The following PARD3B variants were observed in gnomAD, a reference collection of about 807,000 sequenced individuals.
PARD3B encodes partitioning defective 3 homolog B.
In PARD3B, 103 loss-of-function variants were observed where a neutral mutation model predicts 130.2. That is an observed-to-expected ratio of 0.79 (90% CI 0.67 to 0.93). The LOEUF (loss-of-function observed/expected upper bound fraction) is 0.93. PARD3B is among the 40% of genes least tolerant of loss of function. PARD3B has a pLI of 0.00. For missense variants in PARD3B, 1,609 were observed against 1,499.2 expected (o/e 1.07, Z -1.21); for synonymous variants, 583 against 553.2 (o/e 1.05, Z -0.76).
intron 20 of PARD3B, among the ~76,000 whole-genome samples, chr2:205,495,576 T>A (rs2049895181): frequency 6.6e-6 from 1 of 152,212 alleles, no homozygotes; most frequent in Non-Finnish European, 1.5e-5. Flanking sequence ...GAATCAGTGC[T>A]GCTAAATTCC....
rs759261270 is a variant in PARD3B, at chr2:204,545,983, G to A, written c.-17G>A. ...ACACCTGTTCGGCCCGGCCCGGCGTGGTCGCCGGGGGCCAGGATGAAAGTG... is the reference window on the plus strand; with the variant it reads ...ACACCTGTTCGGCCCGGCCCGGCGTAGTCGCCGGGGGCCAGGATGAAAGTG... On this transcript the variant is annotated 5_prime_UTR_variant, in exon 1 of 23. Coordinates refer to ENST00000406610, the MANE Select transcript of PARD3B (RefSeq NM_001302769.2). 4.5e-6 allele frequency: 7 copies of A among 1,550,202 alleles called. No homozygotes were observed. Among genetic ancestry groups the A allele is most frequent in the South Asian group, 3.6e-5 (3 of 84,182 alleles).
intron 1 of PARD3B, among the ~76,000 whole-genome samples, chr2:204,654,096 T>A (rs1455555540): frequency 6.6e-6 from 1 of 151,330 alleles, no homozygotes; most frequent in Non-Finnish European, 1.5e-5. Flanking sequence ...TTTATCTGTG[T>A]CTCAGCAAGG....
intron 19 of PARD3B, among the ~76,000 whole-genome samples, chr2:205,418,238 T>C (rs1272587537): frequency 6.6e-6 from 1 of 152,198 alleles, no homozygotes; most frequent in Non-Finnish European, 1.5e-5. Flanking sequence ...ATTGAAGTTA[T>C]ATGAAATTTT....
At chr2:205,141,677 A>G (rs2032966438) in intron 10 of PARD3B, among the ~76,000 whole-genome samples, 3 of 152,230 alleles carry the variant, frequency 2.0e-5, no homozygotes, top group Admixed American at 2.0e-4. Flanking sequence ...TATGCTTAGC[A>G]CTATTATGGC....
chr2:205,121,716 A>G lies in PARD3B; in HGVS notation c.932A>G (p.Asp311Gly), dbSNP rs745574129. 6.2e-7 allele frequency: 1 copy of G among 1,614,202 alleles called. No homozygotes were observed. The highest frequency in any genetic ancestry group is 8.5e-7 in the Non-Finnish European group (1 of 1,180,032). Residue 311 changes from aspartate (D) to glycine (G), a missense_variant, in exon 8 of 23, where the codon GAT (aspartate) becomes GGT (glycine). By Grantham distance (94) the Asp-to-Gly change is moderately conservative. Coordinates refer to ENST00000406610, the MANE Select transcript of PARD3B (RefSeq NM_001302769.2). The surrounding 1 kb of genome is among the most constrained non-coding windows in gnomAD (Gnocchi z 5.0). The part of the protein sequence containing the change: ...IGSLNIFGNN[D>G]GVLKTKVPPP... ...TCTCTTAACATTTTTGGTAATAATG[A>G]TGGCGTTTTGAAAACCAAAGTGCCG...
At chr2:205,418,992 C>A (rs2046873279) in intron 19 of PARD3B, among the ~76,000 whole-genome samples, 1 of 151,872 alleles carries the variant, frequency 6.6e-6, no homozygotes, top group Non-Finnish European at 1.5e-5. Context: ...AATGTTTGGC[C>A]AAAATATTTC....
chr2:205,551,506 T>A (rs1015957215), intron 21 of PARD3B, among the ~76,000 whole-genome samples: 4 of 152,154 alleles, frequency 2.6e-5, no homozygotes, highest in African/African-American at 9.7e-5. Context: ...CGTCCCTACC[T>A]ACGTAGTAGC....
rs1230780810 is a variant in PARD3B, at chr2:205,446,083, G to A, written c.3044+5411G>A. Reference sequence around the variant, plus strand: ...GCAGGGTACTGTTTGGGGCCAGGCAGCAAGGGTGAAAACAGAGGGGAGAGG... The same window carrying A: ...GCAGGGTACTGTTTGGGGCCAGGCAACAAGGGTGAAAACAGAGGGGAGAGG... On this transcript the variant is annotated intron_variant, in intron 20 of 22. Transcript: ENST00000406610. The surrounding 1 kb of genome is among the most constrained non-coding windows in gnomAD (Gnocchi z 4.4). Among the ~76,000 whole-genome samples the A allele has an allele frequency of 1.3e-5, 2 of 152,138 alleles. No individual in the cohort carries two copies. Among genetic ancestry groups the A allele is most frequent in the African/African-American group, 4.8e-5 (2 of 41,416 alleles).
intron 2 of PARD3B, among the ~76,000 whole-genome samples, chr2:204,785,932 T>G (rs2041993761): frequency 6.6e-6 from 1 of 151,772 alleles, no homozygotes; most frequent in Non-Finnish European, 1.5e-5. Flanking sequence ...GCCAACATGG[T>G]GAAACCCCCA....
At chr2:204,585,416 T>C (rs762266739) in intron 1 of PARD3B, among the ~76,000 whole-genome samples, 10 of 152,042 alleles carry the variant, frequency 6.6e-5, no homozygotes, top group African/African-American at 9.7e-5. Flanking sequence ...CACTGTAACC[T>C]CGAACTCCTG....
At chr2:205,614,316 G>A (rs1443472627) in intron 22 of PARD3B, among the ~76,000 whole-genome samples, 2 of 152,152 alleles carry the variant, frequency 1.3e-5, no homozygotes, top group African/African-American at 2.4e-5. Context: ...CCATTACAAG[G>A]TACAACTTAC....
rs114854877 is a variant in PARD3B, at chr2:205,017,940, A to G, written c.395-29641A>G. Among the ~76,000 whole-genome samples, 891 of 152,332 alleles carry G rather than the reference A, an allele frequency of 5.8e-3. 5 individuals carry two copies. The highest frequency in any genetic ancestry group is 0.02 in the African/African-American group (822 of 41,578). ...TTTAGGTGGTTACAGATAAGGAACT[A>G]GAACTCTAGTTTGAAAATCTGTGTT... On this transcript the variant is annotated intron_variant, in intron 3 of 22. Transcript: ENST00000406610.
intron 1 of PARD3B, among the ~76,000 whole-genome samples, chr2:204,585,884 G>T (rs966316733): frequency 6.6e-6 from 1 of 152,038 alleles, no homozygotes; most frequent in Non-Finnish European, 1.5e-5. Flanking sequence ...TTGAAGACTA[G>T]TTACTTCCTA....
intron 2 of PARD3B, among the ~76,000 whole-genome samples, chr2:204,830,864 T>A (rs2043793334): frequency 6.6e-6 from 1 of 152,226 alleles, no homozygotes. Context: ...AAGATCATTG[T>A]CCCATTAGGT....
chr2:205,323,869 T>C (rs528894314), intron 18 of PARD3B, among the ~76,000 whole-genome samples: 1 of 152,320 alleles, frequency 6.6e-6, no homozygotes, highest in East Asian at 1.9e-4. Context: ...TAGTACTCTC[T>C]AGCTAGATCC....
At chr2:204,815,023 C>T (rs2043097153) in intron 2 of PARD3B, among the ~76,000 whole-genome samples, 1 of 151,806 alleles carries the variant, frequency 6.6e-6, no homozygotes, top group South Asian at 2.1e-4. Flanking sequence ...TTTTCTGTTT[C>T]TGTAATGTTT....
At chr2:205,030,099 T>C (rs1280761584) in intron 3 of PARD3B, among the ~76,000 whole-genome samples, 1 of 152,182 alleles carries the variant, frequency 6.6e-6, no homozygotes, top group Non-Finnish European at 1.5e-5. Context: ...CTCTGTGGTA[T>C]AGAATGCTGA....
chr2:204,919,205 C>T (rs2047569919), intron 2 of PARD3B, among the ~76,000 whole-genome samples: 1 of 152,080 alleles, frequency 6.6e-6, no homozygotes, highest in Non-Finnish European at 1.5e-5. Flanking sequence ...CTCCTAAGTA[C>T]TTTAGCATGC....
chr2:205,400,548 C>T (rs1362272566), intron 18 of PARD3B, among the ~76,000 whole-genome samples: 1 of 151,662 alleles, frequency 6.6e-6, no homozygotes, highest in African/African-American at 2.4e-5. Flanking sequence ...GGCTGAGGCA[C>T]GAGAATCGCT....
Sources: allele counts gnomAD v4.1 joint callset (sites outside exome capture counted in the v4.1 genomes callset), GRCh38; gene constraint gnomAD v4.1.1; non-coding constraint Gnocchi (gnomAD v3.1); transcripts MANE v1.5; gene names NCBI Gene and HGNC (gene_info 2026-07-23, HGNC 2026-07-21).